The following PFKFB2 variants were observed in gnomAD, a reference collection of about 807,000 sequenced individuals.
PFKFB2 encodes 6-phosphofructo-2-kinase/fructose-2,6-bisphosphatase 2.
A neutral mutation model predicts 68.0 loss-of-function variants in PFKFB2; 53 were observed. The observed-to-expected ratio is 0.78, with a 90% CI of 0.63 to 0.98. The LOEUF (loss-of-function observed/expected upper bound fraction) is 0.98. Among genes scored for constraint, PFKFB2 ranks in the 50% least tolerant of loss-of-function variants. The pLI, the probability that PFKFB2 is intolerant of heterozygous loss-of-function variation, is 0.00. For missense variants in PFKFB2, 451 were observed against 642.0 expected (o/e 0.70, Z 3.22); for synonymous variants, 222 against 227.6 (o/e 0.98, Z 0.22).
chr1:207,058,197 A>C (rs908864316), intron 2 of PFKFB2, among the ~76,000 whole-genome samples: 2 of 152,230 alleles, frequency 1.3e-5, no homozygotes, highest in African/African-American at 4.8e-5. Flanking sequence ...GTCAACTGGC[A>C]GGAGATAATC....
chr1:207,047,811 A>C (rs1017256539), intron 2 of PFKFB2: 5 of 152,384 alleles, frequency 3.3e-5, no homozygotes, highest in African/African-American at 1.2e-4. Context: ...AAACTAGTTC[A>C]TTCAACAGTA....
At chr1:207,061,932 T>C (rs375465640) in intron 2 of PFKFB2, 21 bp from the exon 3 acceptor site, 8 of 1,610,290 alleles carry the variant, frequency 5.0e-6, no homozygotes, top group African/African-American at 2.7e-5. Flanking sequence ...TTTCGTTTTA[T>C]TTTGTTTCAT....
At chr1:207,062,488 A>T (rs1214414186) in intron 3 of PFKFB2, 132 bp from the exon 4 acceptor site, 10 of 1,384,750 alleles carry the variant, frequency 7.2e-6, no homozygotes, top group Non-Finnish European at 9.9e-6. Flanking sequence ...TTAATCTGAT[A>T]TTGTTCCCAA....
chr1:207,056,488 A>G (rs1237058225), intron 2 of PFKFB2, among the ~76,000 whole-genome samples: 4 of 151,400 alleles, frequency 2.6e-5, no homozygotes, highest in African/African-American at 9.7e-5. Context: ...TGACTACACG[A>G]TGCCATGTGT....
Position 207,068,114 on chromosome 1 carries a change from GTGTC to G in PFKFB2, c.841-45_841-42del, listed in dbSNP as rs781580853. 7 of 1,504,658 alleles carry G rather than the reference GTGTC, an allele frequency of 4.7e-6. 1 individual carries two copies. In the South Asian group the frequency reaches 6.1e-5, roughly 13 times the overall value. The allele number at this position is 1,504,658 out of a possible 1,614,324, so 93.2% of individuals were successfully genotyped here. ...GTGTTGAGTGTGTGTGTGTGTGTGT[GTGTC>G]TGTGTGTTTTCTTTTTACCCTTAAT... On this transcript the variant is annotated intron_variant, in intron 9 of 14. Coordinates refer to ENST00000367080, the MANE Select transcript of PFKFB2 (RefSeq NM_006212.2).
At chr1:207,035,453 A>T (rs953014141) in intron 1 of PFKFB2, among the ~76,000 whole-genome samples, 4 of 152,198 alleles carry the variant, frequency 2.6e-5, no homozygotes, top group Non-Finnish European at 5.9e-5. Flanking sequence ...CAGGAGTTGG[A>T]GACCAGCCTG....
chr1:207,042,798 C>T (rs929336124), intron 2 of PFKFB2, among the ~76,000 whole-genome samples: 33 of 152,036 alleles, frequency 2.2e-4, no homozygotes, highest in Non-Finnish European at 4.0e-4. Flanking sequence ...GAATATTCAA[C>T]GTTAGGATTT....
At chr1:207,056,802 T>C (rs1343385289) in intron 2 of PFKFB2, among the ~76,000 whole-genome samples, 1 of 152,202 alleles carries the variant, frequency 6.6e-6, no homozygotes, top group Non-Finnish European at 1.5e-5. Flanking sequence ...GCAGACATAG[T>C]CAAAGGAGAA....
intron 10 of PFKFB2, 126 bp from the exon 11 acceptor site, chr1:207,069,297 AG>A: frequency 4.8e-6 from 3 of 623,676 alleles, no homozygotes; most frequent in Middle Eastern, 8.4e-4. Context: ...AATACATGAA[AG>A]GACCCAGCAC....
intron 2 of PFKFB2, chr1:207,047,011 A>G (rs1226213750): frequency 6.6e-6 from 1 of 152,346 alleles, no homozygotes; most frequent in Admixed American, 6.5e-5. Flanking sequence ...GCTCAATTTG[A>G]TAATTGTTAT....
upstream of PFKFB2, chr1:207,050,623 T>C: frequency 6.3e-7 from 1 of 1,597,100 alleles, no homozygotes; most frequent in Non-Finnish European, 8.5e-7. Context: ...ACTGGTGTTT[T>C]GTTCTCTCTC....
chr1:207,049,142 G>A, upstream of PFKFB2: 1 of 1,614,022 alleles, frequency 6.2e-7, no homozygotes, highest in Non-Finnish European at 8.5e-7. Flanking sequence ...TCAGTAAACT[G>A]TCTCCTTCTT....
In PFKFB2 at chr1:207,038,221, C is replaced by T. The variant is rs763450617; in HGVS notation, c.-62+3749C>T. 5.3e-5 allele frequency among the ~76,000 whole-genome samples: 8 copies of T among 152,168 alleles called. No individual in the cohort carries two copies. In the South Asian group the frequency reaches 1.0e-3, roughly 20 times the overall value. On this transcript the variant is annotated intron_variant, in intron 1 of 5. Transcript: ENST00000545806. ...CATGTTCATTCATTCAACTATATAT[C>T]GAATGTCTATTGTAGATCCAGCCCC...
Position 207,063,804 on chromosome 1 carries a change from C to A in PFKFB2, c.482C>A (p.Pro161His). The A allele has an allele frequency of 6.2e-7, 1 of 1,613,764 alleles. No homozygotes were observed. ...VFFVESVCDD[P>H]DVIAANILEV... ...TTTGTGGAATCCGTCTGTGATGATC[C>A]TGATGTCATTGCTGCCAATATTCTG... The change falls in exon 7 of 15, where the codon CCT (proline) becomes CAT (histidine). Residue 161 changes from proline (P) to histidine (H), a missense_variant. Pro to His is a moderately conservative substitution (Grantham distance 77, BLOSUM62 -2). Transcript: ENST00000367080. This position sits in a 1 kb window ranked among gnomAD's most constrained non-coding sequence, Gnocchi z 4.1.
chr1:207,059,276 T>C (rs558683738), intron 2 of PFKFB2, among the ~76,000 whole-genome samples: 120 of 152,254 alleles, frequency 7.9e-4, no homozygotes, highest in Admixed American at 1.8e-3. Flanking sequence ...TTTTAAACTT[T>C]AGGGAGGGTA....
chr1:207,047,584 A>C (rs1186594979), intron 2 of PFKFB2: 2 of 152,664 alleles, frequency 1.3e-5, no homozygotes. Context: ...GAGATAATAC[A>C]TAACAAATTA....
At chr1:207,051,271 G>C (rs556993568), upstream of PFKFB2, among the ~76,000 whole-genome samples, 1 of 152,302 alleles carries the variant, frequency 6.6e-6, no homozygotes, top group South Asian at 2.1e-4. Context: ...AGGAGTTCCT[G>C]AATGAAGGTC....
chr1:207,061,873 T>G (rs1423377783), intron 2 of PFKFB2, 80 bp from the exon 3 acceptor site: 6 of 1,226,638 alleles, frequency 4.9e-6, no homozygotes, highest in Non-Finnish European at 7.2e-6. Context: ...AGAGTGAGAC[T>G]CCGTCTCAAA....
At chr1:207,071,997 G>A (rs779268139) in intron 14 of PFKFB2, among the ~76,000 whole-genome samples, 3 of 152,142 alleles carry the variant, frequency 2.0e-5, no homozygotes, top group Non-Finnish European at 4.4e-5. Flanking sequence ...TCTTTTTCCT[G>A]CTTTGGAATG....
Sources: allele counts gnomAD v4.1 joint callset (sites outside exome capture counted in the v4.1 genomes callset), GRCh38; gene constraint gnomAD v4.1.1; non-coding constraint Gnocchi (gnomAD v3.1); transcripts MANE v1.5; gene names NCBI Gene and HGNC (gene_info 2026-07-23, HGNC 2026-07-21).